Variants in CACNA1C observed in about 807,000 individuals in gnomAD.
The protein encoded by CACNA1C is voltage-dependent L-type calcium channel subunit alpha-1C.
In CACNA1C, 30 loss-of-function variants were observed where a neutral mutation model predicts 229.0. The ratio of observed to expected loss-of-function variants is 0.13; its 90% CI spans 0.10 to 0.18. CACNA1C has a LOEUF of 0.18. CACNA1C is among the 10% of genes least tolerant of loss of function. CACNA1C has a pLI of 1.00. For missense variants in CACNA1C, 1,658 were observed against 2,845.0 expected, an observed-to-expected ratio of 0.58 and a Z score of 9.49; for synonymous variants, 1,114 against 1,132.5, an observed-to-expected ratio of 0.98 and a Z score of 0.33.
chr12:2,124,405 C>A (rs1214214322), intron 3 of CACNA1C, among the ~76,000 whole-genome samples: 1 of 152,084 alleles, frequency 6.6e-6, no homozygotes, highest in African/African-American at 2.4e-5. Context: ...TGTGCAAAGG[C>A]ATGAGTATAC....
At chr12:2,183,458 G>T (rs1459557458) in intron 3 of CACNA1C, among the ~76,000 whole-genome samples, 1 of 152,250 alleles carries the variant, frequency 6.6e-6, no homozygotes, top group Non-Finnish European at 1.5e-5. Context: ...ACAAGTGTGG[G>T]AAGGGGCTGC....
rs575463769 is a variant in CACNA1C, at chr12:2,423,631, T to C, written c.478-25345T>C. Among the ~76,000 whole-genome samples the C allele has an allele frequency of 1.1e-4, 16 of 152,204 alleles. No individual in the cohort carries two copies. The East Asian group carries it at 2.5e-3, about 24-fold the overall frequency. Reference sequence around the variant, plus strand: ...GCAATTAACAGCAGTGGTAGTAGTATAGTAGTTACACCCAGCAAGTAAATG... The same window carrying C: ...GCAATTAACAGCAGTGGTAGTAGTACAGTAGTTACACCCAGCAAGTAAATG... On this transcript the variant is annotated intron_variant, in intron 3 of 46. Transcript: ENST00000399655.
intron 4 of CACNA1C, among the ~76,000 whole-genome samples, chr12:2,455,181 C>T (rs1322274220): frequency 6.6e-6 from 1 of 152,208 alleles, no homozygotes; most frequent in Non-Finnish European, 1.5e-5. Flanking sequence ...GCTGTCATAT[C>T]TCCCATTCAG....
chr12:2,108,651 C>T lies in CACNA1C; in HGVS notation c.50-6573C>T, dbSNP rs2080240950. On this transcript the variant is annotated intron_variant, in intron 1 of 46. Coordinates refer to ENST00000399655, the MANE Select transcript of CACNA1C (RefSeq NM_000719.7). This position sits in a 1 kb window ranked among gnomAD's most constrained non-coding sequence, Gnocchi z 5.3. ...AGACCGCAAGTTTACCAGCCTCCCACCCACCACATGGTGCTCAGCACACAC... is the reference window on the plus strand; with the variant it reads ...AGACCGCAAGTTTACCAGCCTCCCATCCACCACATGGTGCTCAGCACACAC... Among the ~76,000 whole-genome samples the T allele has an allele frequency of 6.6e-6, 1 of 152,196 alleles. No homozygotes were observed. The highest frequency in any genetic ancestry group is 1.5e-5 in the Non-Finnish European group (1 of 68,038).
At chr12:2,640,975 G>C (rs1367207661) in intron 30 of CACNA1C, among the ~76,000 whole-genome samples, 1 of 152,216 alleles carries the variant, frequency 6.6e-6, no homozygotes, top group Non-Finnish European at 1.5e-5. Context: ...GCGTTGGACA[G>C]TGGGCCTGGC....
At position 2,323,374 on chromosome 12, in the gene CACNA1C, G is replaced by T. The variant is rs549985084; in HGVS notation, c.478-125602G>T. 3.9e-5 allele frequency among the ~76,000 whole-genome samples: 6 copies of T among 152,316 alleles called. No individual in the cohort carries two copies. The East Asian group carries it at 1.2e-3, about 29-fold the overall frequency. On this transcript the variant is annotated intron_variant, in intron 3 of 46. Coordinates refer to ENST00000399655, the MANE Select transcript of CACNA1C (RefSeq NM_000719.7). Reference sequence around the variant, plus strand: ...GTCTCTCTAGCCTAGATATGCTGGGGTTCACTGCCTGCAGCTGCACCTTGG... The same window carrying T: ...GTCTCTCTAGCCTAGATATGCTGGGTTTCACTGCCTGCAGCTGCACCTTGG...
Position 2,640,939 on chromosome 12 carries a change from C to G in CACNA1C, c.3912+6559C>G, listed in dbSNP as rs181643522. On this transcript the variant is annotated intron_variant, in intron 30 of 46. Transcript: ENST00000399655. Reference sequence around the variant, plus strand: ...TCAGCCTGCACGACTCCAGCCCTCTCTCTCGGCCTGCAACCCACAGTGCTT... The same window carrying G: ...TCAGCCTGCACGACTCCAGCCCTCTGTCTCGGCCTGCAACCCACAGTGCTT... 4.4e-3 allele frequency among the ~76,000 whole-genome samples: 676 copies of G among 152,362 alleles called. 4 individuals are homozygous for G. Among genetic ancestry groups the G allele is most frequent in the African/African-American group, 0.015 (626 of 41,592 alleles).
intron 34 of CACNA1C, among the ~76,000 whole-genome samples, chr12:2,663,665 C>T (rs1010728025): frequency 1.2e-4 from 18 of 151,210 alleles, no homozygotes; most frequent in South Asian, 2.1e-4. Context: ...AGGGCTTGTC[C>T]GTGTAAGCAA....
In CACNA1C at chr12:2,215,452, C is replaced by G. The variant is rs1185198914; in HGVS notation, c.477+95022C>G. Among the ~76,000 whole-genome samples, 1 of 152,124 alleles carries G rather than the reference C, an allele frequency of 6.6e-6. No individual in the cohort carries two copies. Among genetic ancestry groups the G allele is most frequent in the Non-Finnish European group, 1.5e-5 (1 of 68,024 alleles). On this transcript the variant is annotated intron_variant, in intron 3 of 46. Coordinates refer to ENST00000399655, the MANE Select transcript of CACNA1C (RefSeq NM_000719.7). This position sits in a 1 kb window ranked among gnomAD's most constrained non-coding sequence, Gnocchi z 5.0. The stretch of plus-strand genomic sequence containing the variant: ...GGCCTGTTCCTCTGGGTGGGATGCG[C>G]TCTCCCTCCTCCTAGGCTTGGTTCC...
chr12:2,497,969 TCACA>T (rs3058710), intron 7 of CACNA1C, among the ~76,000 whole-genome samples: 5,329 of 143,938 alleles, frequency 0.037, 314 homozygotes, highest in African/African-American at 0.12. Flanking sequence ...TCTATTAAAT[TCACA>T]CACACACACA....
chr12:2,118,694 C>G (rs1159413622), intron 2 of CACNA1C, among the ~76,000 whole-genome samples: 1 of 152,234 alleles, frequency 6.6e-6, no homozygotes. Flanking sequence ...CTTACTGTCA[C>G]CAGCACCAGC....
At chr12:2,170,286 A>AT (rs1243258839) in intron 3 of CACNA1C, among the ~76,000 whole-genome samples, 1 of 152,200 alleles carries the variant, frequency 6.6e-6, no homozygotes, top group Non-Finnish European at 1.5e-5. Context: ...GATCAGGGTT[A>AT]TGAAAAAAGG....
intron 30 of CACNA1C, among the ~76,000 whole-genome samples, chr12:2,637,826 C>T (rs2093027771): frequency 6.6e-6 from 1 of 152,216 alleles, no homozygotes; most frequent in Non-Finnish European, 1.5e-5. Context: ...CATTGTTAGC[C>T]TCAGTGTGAT....
At position 2,210,115 on chromosome 12, in the gene CACNA1C, T is replaced by C. The variant is rs796177955; in HGVS notation, c.477+89685T>C. On this transcript the variant is annotated intron_variant, in intron 3 of 46. Coordinates refer to ENST00000399655, the MANE Select transcript of CACNA1C (RefSeq NM_000719.7). ...GGCAGATGCAAAGTAAGAAAACAAA[T>C]GTATCTGTTGCAGGAAGGAAGGAAG... is the stretch of plus-strand genomic sequence containing the variant. Among the ~76,000 whole-genome samples the C allele has an allele frequency of 5.9e-5, 9 of 152,334 alleles. No individual in the cohort carries two copies. In the South Asian group the frequency reaches 1.9e-3, roughly 32 times the overall value.
At chr12:2,574,421 C>T (rs1390969908) in intron 13 of CACNA1C, among the ~76,000 whole-genome samples, 1 of 152,200 alleles carries the variant, frequency 6.6e-6, no homozygotes, top group Non-Finnish European at 1.5e-5. Flanking sequence ...ATTTTTGACA[C>T]ACTTGGTTTT....
chr12:2,138,911 T>A (rs1324666865), intron 3 of CACNA1C, among the ~76,000 whole-genome samples: 1 of 150,614 alleles, frequency 6.6e-6, no homozygotes, highest in East Asian at 1.9e-4. Context: ...TTTTCTCTGC[T>A]CCTCCATGAC....
intron 29 of CACNA1C, among the ~76,000 whole-genome samples, chr12:2,624,574 G>A (rs535047942): frequency 6.6e-6 from 1 of 152,326 alleles, no homozygotes; most frequent in East Asian, 1.9e-4. Flanking sequence ...TTCAAAAATC[G>A]TACGGAAACC....
At chr12:2,339,677 A>G (rs1487317809) in intron 3 of CACNA1C, among the ~76,000 whole-genome samples, 2 of 152,200 alleles carry the variant, frequency 1.3e-5, no homozygotes, top group Non-Finnish European at 2.9e-5. Context: ...ACACGCGCAC[A>G]TAGTAACCTA....
At chr12:2,681,060 G>A (rs1335743235) in intron 42 of CACNA1C, among the ~76,000 whole-genome samples, 9 of 152,132 alleles carry the variant, frequency 5.9e-5, no homozygotes, top group Non-Finnish European at 1.3e-4. Context: ...GAGGACCCAA[G>A]TACTGGGTCC....
Sources: gnomAD v4.1 joint callset for allele counts (sites outside exome capture counted in the v4.1 genomes callset) on GRCh38, gnomAD v4.1.1 for gene constraint, Gnocchi (gnomAD v3.1) non-coding constraint, MANE v1.5 for transcripts, NCBI Gene and HGNC (gene_info 2026-07-23, HGNC 2026-07-21) for gene names.